The following ZSWIM6 variants were observed in gnomAD, a reference collection of about 807,000 sequenced individuals.
ZSWIM6 encodes the protein zinc finger SWIM-type containing 6.
Under a neutral mutation model 113.2 loss-of-function variants are expected in ZSWIM6, and 9 were observed. The ratio of observed to expected loss-of-function variants is 0.08; its 90% CI spans 0.05 to 0.14. ZSWIM6 has a LOEUF of 0.14. Ranked by LOEUF, ZSWIM6 falls within the 10% of genes least tolerant of loss-of-function variation. ZSWIM6 has a pLI of 1.00. For synonymous variants in ZSWIM6, 611 were observed against 606.5 expected (o/e 1.01, Z -0.11); for missense variants, 1,162 against 1,552.2 (o/e 0.75, Z 4.22).
chr5:61,530,788 C>T (rs1042053019), intron 8 of ZSWIM6, among the ~76,000 whole-genome samples: 9 of 152,194 alleles, frequency 5.9e-5, no homozygotes, highest in African/African-American at 2.2e-4. Flanking sequence ...TTTGTTGCTT[C>T]CATGGCTGGA....
intron 1 of ZSWIM6, among the ~76,000 whole-genome samples, chr5:61,348,256 T>C (rs1220850910): frequency 6.6e-6 from 1 of 151,864 alleles, no homozygotes; most frequent in Non-Finnish European, 1.5e-5. Context: ...TAAAAAAGAA[T>C]GTAGTTTGTA....
At chr5:61,456,911 T>A (rs551084563) in intron 1 of ZSWIM6, among the ~76,000 whole-genome samples, 2 of 149,778 alleles carry the variant, frequency 1.3e-5, no homozygotes, top group Non-Finnish European at 3.0e-5. Context: ...TTCTTTTTTT[T>A]ATTATTATTA....
intron 1 of ZSWIM6, among the ~76,000 whole-genome samples, chr5:61,338,223 G>A (rs1159524050): frequency 1.3e-5 from 2 of 151,504 alleles, no homozygotes; most frequent in Non-Finnish European, 2.9e-5. Flanking sequence ...ATTAAGATGG[G>A]TACAAATTTC....
chr5:61,431,126 C>T (rs1329761925), intron 1 of ZSWIM6, among the ~76,000 whole-genome samples: 1 of 152,070 alleles, frequency 6.6e-6, no homozygotes, highest in African/African-American at 2.4e-5. Flanking sequence ...AATCCCAGCA[C>T]TTTGGGAGGC....
At chr5:61,541,367 T>A (rs1283657680) in intron 12 of ZSWIM6, among the ~76,000 whole-genome samples, 1 of 152,154 alleles carries the variant, frequency 6.6e-6, no homozygotes, top group African/African-American at 2.4e-5. Context: ...AAGGATGATT[T>A]TTTCCCCCAT....
At chr5:61,388,209 C>A (rs912684961) in intron 1 of ZSWIM6, among the ~76,000 whole-genome samples, 1 of 151,978 alleles carries the variant, frequency 6.6e-6, no homozygotes, top group African/African-American at 2.4e-5. Context: ...TCTCAAACTC[C>A]TGGCCTCATG....
intron 1 of ZSWIM6, among the ~76,000 whole-genome samples, chr5:61,369,480 G>T (rs377418357): frequency 1.4e-4 from 22 of 152,156 alleles, no homozygotes; most frequent in South Asian, 2.1e-4. Flanking sequence ...TTTATGGTTG[G>T]CTACAGTTGA....
intron 1 of ZSWIM6, among the ~76,000 whole-genome samples, chr5:61,405,488 G>A (rs1054070035): frequency 1.3e-5 from 2 of 152,144 alleles, no homozygotes; most frequent in South Asian, 2.1e-4. Context: ...TTTATGAGGG[G>A]CTAACTCCTC....
At chr5:61,429,587 ATATC>A (rs1246959411) in intron 1 of ZSWIM6, among the ~76,000 whole-genome samples, 1 of 152,190 alleles carries the variant, frequency 6.6e-6, no homozygotes, top group Non-Finnish European at 1.5e-5. Context: ...GTGGATGTAA[ATATC>A]TATTTTCCCT....
intron 1 of ZSWIM6, among the ~76,000 whole-genome samples, chr5:61,423,507 A>G (rs1340297803): frequency 6.6e-6 from 1 of 152,126 alleles, no homozygotes; most frequent in Non-Finnish European, 1.5e-5. Context: ...AGAAGCAGTT[A>G]TAGATGTTGC....
At chr5:61,489,365 A>G (rs777234648) in intron 2 of ZSWIM6, among the ~76,000 whole-genome samples, 1 of 152,024 alleles carries the variant, frequency 6.6e-6, no homozygotes, top group Admixed American at 6.6e-5. Context: ...ACCATTTATT[A>G]TACATTTATA....
intron 1 of ZSWIM6, among the ~76,000 whole-genome samples, chr5:61,401,092 G>A (rs931323840): frequency 2.6e-5 from 4 of 151,938 alleles, no homozygotes; most frequent in Admixed American, 6.6e-5. Context: ...TTTTCCCCCC[G>A]ACAATTATTA....
chr5:61,409,317 T>C (rs929522107), intron 1 of ZSWIM6, among the ~76,000 whole-genome samples: 6 of 152,112 alleles, frequency 3.9e-5, no homozygotes, highest in Non-Finnish European at 8.8e-5. Context: ...CAAATTTACT[T>C]ACCTGCAGTC....
chr5:61,533,936 C>T (rs1043117624), intron 9 of ZSWIM6, among the ~76,000 whole-genome samples: 1 of 152,180 alleles, frequency 6.6e-6, no homozygotes, highest in Admixed American at 6.5e-5. Context: ...TACCTTTTCT[C>T]TGTGTCTTCA....
rs1275300935 is a variant in ZSWIM6, at chr5:61,375,220, C to T, written c.676+42272C>T. On this transcript the variant is annotated intron_variant, in intron 1 of 13. Coordinates refer to ENST00000252744, the MANE Select transcript of ZSWIM6 (RefSeq NM_020928.2). ...AACAATACAGGATTATCTGAATCGA[C>T]CAAGGCCTACCTGGGAAGAAGTAAA... is the stretch of plus-strand genomic sequence containing the variant. 1.9e-6 allele frequency: 3 copies of T among 1,612,806 alleles called. No homozygotes were observed. In the African/African-American group the frequency reaches 4.0e-5, roughly 22 times the overall value.
intron 2 of ZSWIM6, among the ~76,000 whole-genome samples, chr5:61,489,365 A>T (rs777234648): frequency 9.2e-5 from 14 of 152,024 alleles, no homozygotes; most frequent in Non-Finnish European, 2.1e-4. Context: ...ACCATTTATT[A>T]TACATTTATA....
chr5:61,491,877 A>G (rs1485430251), intron 3 of ZSWIM6, among the ~76,000 whole-genome samples: 1 of 152,008 alleles, frequency 6.6e-6, no homozygotes, highest in East Asian at 1.9e-4. Context: ...GGAATAGTGT[A>G]TTCTGCTTAA....
chr5:61,527,548 G>A (rs1043085023), intron 7 of ZSWIM6, among the ~76,000 whole-genome samples: 1 of 152,186 alleles, frequency 6.6e-6, no homozygotes, highest in Non-Finnish European at 1.5e-5. Context: ...CGATTGTCGT[G>A]ACTTTGTCCA....
intron 1 of ZSWIM6, among the ~76,000 whole-genome samples, chr5:61,417,924 A>G (rs563973527): frequency 6.6e-6 from 1 of 152,344 alleles, no homozygotes; most frequent in South Asian, 2.1e-4. Flanking sequence ...TGAGGATATC[A>G]CAGGATGGTA....
Sources: allele counts gnomAD v4.1 joint callset (sites outside exome capture counted in the v4.1 genomes callset), GRCh38; gene constraint gnomAD v4.1.1; transcripts MANE v1.5; gene names NCBI Gene and HGNC (gene_info 2026-07-23, HGNC 2026-07-21).